The following PTPRR variants were observed in gnomAD, a reference collection of about 807,000 sequenced individuals.
PTPRR encodes the protein protein tyrosine phosphatase receptor type R.
PTPRR carries 38 observed loss-of-function variants against 77.2 expected under a neutral mutation model. The observed-to-expected ratio is 0.49, with a 90% CI of 0.38 to 0.65. PTPRR has a LOEUF of 0.65. Among genes scored for constraint, PTPRR ranks in the 30% least tolerant of loss-of-function variants. PTPRR has a pLI of 0.00. For synonymous variants in PTPRR, 299 were observed against 283.1 expected (o/e 1.06, Z -0.57); for missense variants, 744 against 799.2 (o/e 0.93, Z 0.83).
At chr12:70,660,593 G>A (rs1886762073) in intron 12 of PTPRR, among the ~76,000 whole-genome samples, 1 of 152,202 alleles carries the variant, frequency 6.6e-6, no homozygotes, top group Non-Finnish European at 1.5e-5. Flanking sequence ...TTCAAAAAGT[G>A]CATCTTTATT....
At chr12:70,666,937 T>G (rs1397515463) in intron 10 of PTPRR, among the ~76,000 whole-genome samples, 1 of 33,108 alleles carries the variant, frequency 3.0e-5, no homozygotes, top group Non-Finnish European at 5.0e-5. Flanking sequence ...GTTTTTCTGT[T>G]TTTTTTTTTT....
chr12:70,766,221 A>C (rs1355676615), intron 2 of PTPRR, among the ~76,000 whole-genome samples: 1 of 152,234 alleles, frequency 6.6e-6, no homozygotes, highest in Non-Finnish European at 1.5e-5. Flanking sequence ...ACTCCGAGCT[A>C]CAGGAGGAAA....
At chr12:70,893,961 T>TTGAA (rs1467129454) in intron 1 of PTPRR, among the ~76,000 whole-genome samples, 20 of 151,996 alleles carry the variant, frequency 1.3e-4, no homozygotes, top group African/African-American at 4.6e-4. Context: ...ATTCATTGCA[T>TTGAA]TGAATAATGG....
chr12:70,865,176 C>A (rs1052846168), intron 2 of PTPRR, among the ~76,000 whole-genome samples: 1 of 151,998 alleles, frequency 6.6e-6, no homozygotes, highest in Non-Finnish European at 1.5e-5. Flanking sequence ...TCTTGCCTGT[C>A]GCCATGTAAG....
intron 2 of PTPRR, among the ~76,000 whole-genome samples, chr12:70,767,452 C>A (rs1393606227): frequency 6.6e-6 from 1 of 151,546 alleles, no homozygotes; most frequent in Non-Finnish European, 1.5e-5. Context: ...ATCAATTCAA[C>A]AAGAAGAGCT....
At chr12:70,698,851 CT>C (rs1420392482) in intron 7 of PTPRR, among the ~76,000 whole-genome samples, 8 of 151,908 alleles carry the variant, frequency 5.3e-5, no homozygotes, top group East Asian at 1.9e-4. Context: ...GATGACATGA[CT>C]TTTTTTTGAA....
At position 70,638,196 on chromosome 12, in the gene PTPRR, C is replaced by T. The variant is rs780423724; in HGVS notation, c.*988G>A. Reference sequence around the variant, plus strand: ...GGGTAGTTATTTTAATTTTTTTTGTCTCTTGAAGATTGAAAGCTTTCAGAA... The same window carrying T: ...GGGTAGTTATTTTAATTTTTTTTGTTTCTTGAAGATTGAAAGCTTTCAGAA... On this transcript the variant is annotated 3_prime_UTR_variant, in exon 14 of 14. Coordinates refer to ENST00000283228, the MANE Select transcript of PTPRR (RefSeq NM_002849.4). 6.6e-6 allele frequency: 1 copy of T among 152,234 alleles called. No homozygotes were observed. The highest frequency in any genetic ancestry group is 1.5e-5 in the Non-Finnish European group (1 of 67,950). 9.4% of individuals were successfully genotyped at this position (152,234 alleles called of 1,614,324 possible).
chr12:70,672,405 T>C, intron 10 of PTPRR: 1 of 1,192,036 alleles, frequency 8.4e-7, no homozygotes, highest in Non-Finnish European at 1.2e-6. Flanking sequence ...GTGGAGCAGC[T>C]GTGGTCATTG....
chr12:70,669,285 A>G (rs1887122326), intron 10 of PTPRR, among the ~76,000 whole-genome samples: 1 of 151,974 alleles, frequency 6.6e-6, no homozygotes, highest in African/African-American at 2.4e-5. Context: ...ATCAAACTTA[A>G]CAGGTTAAAG....
At chr12:70,640,704 A>G (rs1189182148) in intron 13 of PTPRR, among the ~76,000 whole-genome samples, 1 of 152,192 alleles carries the variant, frequency 6.6e-6, no homozygotes, top group East Asian at 1.9e-4. Flanking sequence ...AGGCACTTCA[A>G]CTTAAAAACA....
chr12:70,915,896 C>T (rs772810989), intron 1 of PTPRR, among the ~76,000 whole-genome samples: 15 of 152,136 alleles, frequency 9.9e-5, no homozygotes, highest in Non-Finnish European at 1.6e-4. Context: ...ATTTATTTAA[C>T]TTATTTATTT....
chr12:70,692,207 C>CAA (rs1888079451), intron 8 of PTPRR, among the ~76,000 whole-genome samples: 2 of 151,962 alleles, frequency 1.3e-5, no homozygotes, highest in Non-Finnish European at 2.9e-5. Flanking sequence ...CCTATTTGTC[C>CAA]GTTGGACTCA....
At chr12:70,742,272 T>A (rs889650807) in intron 6 of PTPRR, among the ~76,000 whole-genome samples, 1 of 152,176 alleles carries the variant, frequency 6.6e-6, no homozygotes, top group African/African-American at 2.4e-5. Context: ...TTCTACCATT[T>A]AGGTGAAATG....
chr12:70,784,649 T>C (rs1891284809), intron 2 of PTPRR, among the ~76,000 whole-genome samples: 1 of 152,208 alleles, frequency 6.6e-6, no homozygotes, highest in Non-Finnish European at 1.5e-5. Flanking sequence ...CTGCCATCAC[T>C]ATTAGCTATA....
intron 2 of PTPRR, among the ~76,000 whole-genome samples, chr12:70,843,766 G>A (rs1892436184): frequency 6.7e-6 from 1 of 149,988 alleles, no homozygotes; most frequent in South Asian, 2.1e-4. Context: ...TGAAAATTAA[G>A]TTGAGAGCTT....
At chr12:70,817,289 G>A (rs901398351) in intron 2 of PTPRR, among the ~76,000 whole-genome samples, 3 of 152,122 alleles carry the variant, frequency 2.0e-5, no homozygotes, top group African/African-American at 7.2e-5. Flanking sequence ...AATATTTGCA[G>A]ACTTTTTCCT....
chr12:70,811,664 C>T (rs1239786854), intron 2 of PTPRR, among the ~76,000 whole-genome samples: 2 of 152,144 alleles, frequency 1.3e-5, no homozygotes, highest in Non-Finnish European at 2.9e-5. Context: ...TTAACAATGT[C>T]AACATTTATT....
chr12:70,662,001 A>G (rs1353862544), intron 11 of PTPRR, among the ~76,000 whole-genome samples: 1 of 152,192 alleles, frequency 6.6e-6, no homozygotes, highest in East Asian at 1.9e-4. Flanking sequence ...CTATGACATA[A>G]TCTCGTCTGG....
At chr12:70,792,896 A>AATTTTAGCAGAATTCTTTCCATT (rs1891446387) in intron 2 of PTPRR, among the ~76,000 whole-genome samples, 1 of 152,200 alleles carries the variant, frequency 6.6e-6, no homozygotes, top group African/African-American at 2.4e-5. Flanking sequence ...AAAATTGAAG[A>AATTTTAGCAGAATTCTTTCCATT]ATTTTAGCAG....
Sources: gnomAD v4.1 joint callset for allele counts (sites outside exome capture counted in the v4.1 genomes callset) on GRCh38, gnomAD v4.1.1 for gene constraint, MANE v1.5 for transcripts, NCBI Gene and HGNC (gene_info 2026-07-23, HGNC 2026-07-21) for gene names.